CYP4X1: variants seen among roughly 807,000 people sequenced by gnomAD.
The protein encoded by CYP4X1 is cytochrome P450 4X1.
In CYP4X1, 44 loss-of-function variants were observed where a neutral mutation model predicts 57.9. That is an observed-to-expected ratio of 0.76 (90% CI 0.60 to 0.98). The LOEUF (loss-of-function observed/expected upper bound fraction) is 0.98. CYP4X1 is among the 50% of genes least tolerant of loss of function. The pLI is 0.00. For missense variants in CYP4X1, 532 were observed against 623.9 expected, an observed-to-expected ratio of 0.85 and a Z score of 1.57; for synonymous variants, 227 against 228.6, an observed-to-expected ratio of 0.99 and a Z score of 0.06.
chr1:47,019,803 T>C (rs1196018914), upstream of CYP4X1, among the ~76,000 whole-genome samples: 1 of 152,186 alleles, frequency 6.6e-6, no homozygotes, highest in African/African-American at 2.4e-5. Flanking sequence ...TCAGTTTTCA[T>C]ACAGGTATGA....
the CYP4X1 span, among the ~76,000 whole-genome samples, chr1:46,991,979 G>A: frequency 6.6e-6 from 1 of 152,042 alleles, no homozygotes; most frequent in South Asian, 2.1e-4. Flanking sequence ...GTTATCATCC[G>A]CTCCTCTCCC....
the CYP4X1 span, among the ~76,000 whole-genome samples, chr1:46,969,296 A>G: frequency 1.3e-5 from 2 of 152,182 alleles, no homozygotes; most frequent in Non-Finnish European, 2.9e-5. Context: ...CTGGCACTTC[A>G]TGTCTTGTAC....
At chr1:47,014,931 A>G in the CYP4X1 span, among the ~76,000 whole-genome samples, 340 of 152,316 alleles carry the variant, frequency 2.2e-3, 1 homozygote, top group Non-Finnish European at 4.3e-3. Context: ...ACATGGAGAA[A>G]GGAAAAGTGA....
chr1:47,001,481 C>A, the CYP4X1 span, among the ~76,000 whole-genome samples: 14 of 152,060 alleles, frequency 9.2e-5, no homozygotes, highest in Admixed American at 9.2e-4. Context: ...CGACAGGCAC[C>A]CAGATCCTCA....
At chr1:46,963,921 T>A in the CYP4X1 span, among the ~76,000 whole-genome samples, 1 of 152,214 alleles carries the variant, frequency 6.6e-6, no homozygotes, top group Non-Finnish European at 1.5e-5. Flanking sequence ...AGTCCCATAT[T>A]TCTTGGAGGC....
At chr1:47,014,951 T>C in the CYP4X1 span, among the ~76,000 whole-genome samples, 1 of 152,204 alleles carries the variant, frequency 6.6e-6, no homozygotes, top group African/African-American at 2.4e-5. Flanking sequence ...ACCTTGGAAT[T>C]CTCAGTCTGG....
chr1:47,009,895 G>T, the CYP4X1 span, among the ~76,000 whole-genome samples: 1 of 152,128 alleles, frequency 6.6e-6, no homozygotes, highest in African/African-American at 2.4e-5. Context: ...CCAATAACAG[G>T]CTCTGAAATT....
chr1:46,963,924 T>C, the CYP4X1 span, among the ~76,000 whole-genome samples: 1 of 152,254 alleles, frequency 6.6e-6, no homozygotes, highest in African/African-American at 2.4e-5. Flanking sequence ...CCCATATTTC[T>C]TGGAGGCTTT....
At chr1:47,053,970 T>A (rs12139231), downstream of CYP4X1, among the ~76,000 whole-genome samples, 4 of 151,518 alleles carry the variant, frequency 2.6e-5, no homozygotes, top group South Asian at 8.3e-4. Flanking sequence ...TGCTTTTGGT[T>A]TTTTAGACAT....
In CYP4X1 at chr1:47,023,802, G is replaced by C. The variant is rs776060879; in HGVS notation, c.-16G>C. 4 of 1,602,404 alleles carry C rather than the reference G, an allele frequency of 2.5e-6. No individual in the cohort carries two copies. The highest frequency in any genetic ancestry group is 4.5e-5 in the East Asian group (2 of 44,588). ...GCGCCCCAGGAAACCGCCGGCGTTC[G>C]GCGCTGCGCAGAGCCATGGAATTCT... On this transcript the variant is annotated 5_prime_UTR_variant, in exon 1 of 12. Transcript: ENST00000371901.
In CYP4X1 at chr1:47,042,806, G is replaced by GAGT. The variant is rs199700663; in HGVS notation, c.1073+3279_1073+3281dup. Among the ~76,000 whole-genome samples the GAGT allele has an allele frequency of 3.9e-3, 590 of 152,230 alleles. 3 individuals are homozygous for GAGT. The highest frequency in any genetic ancestry group is 0.013 in the African/African-American group (556 of 41,542). ...CTTTATTTTGTTCCTTTTCATGGCT[G>GAGT]AGTAGTATTCCATAGTATATACATC... On this transcript the variant is annotated intron_variant, in intron 8 of 11. Transcript: ENST00000371901.
the CYP4X1 span, among the ~76,000 whole-genome samples, chr1:47,011,189 G>T: frequency 6.6e-6 from 1 of 152,138 alleles, no homozygotes; most frequent in South Asian, 2.1e-4. Context: ...AAAACAGCAT[G>T]GTACTGGTAC....
chr1:47,046,560 C>G lies in CYP4X1; in HGVS notation c.1167C>G (p.Ser389Arg), dbSNP rs747915842. 2.5e-6 allele frequency: 4 copies of G among 1,614,162 alleles called. No individual in the cohort carries two copies. The highest frequency in any genetic ancestry group is 3.4e-6 in the Non-Finnish European group (4 of 1,180,028). The change falls in exon 9 of 12, where the codon AGC becomes AGG. Residue 389 changes from serine (S) to arginine (R), a missense_variant. Physicochemically the swap from Ser to Arg is moderately radical, Grantham distance 110. Coordinates refer to ENST00000371901, the MANE Select transcript of CYP4X1 (RefSeq NM_178033.2). Reference protein sequence around the residue: ...PAVPSISRDLSKPLTFPDGCT... With the variant: ...PAVPSISRDLRKPLTFPDGCT... ...TCCCGTCCATTTCCAGAGATCTCAG[C>G]AAGCCACTTACCTTCCCAGATGGAT...
At chr1:47,018,260 G>C in the CYP4X1 span, among the ~76,000 whole-genome samples, 1 of 152,148 alleles carries the variant, frequency 6.6e-6, no homozygotes, top group Non-Finnish European at 1.5e-5. Flanking sequence ...GAATTACAAA[G>C]ATTTTTCAGA....
At chr1:46,961,691 C>A in the CYP4X1 span, 3 of 1,293,414 alleles carry the variant, frequency 2.3e-6, no homozygotes, top group South Asian at 3.7e-5. Context: ...CTATTTGACC[C>A]AACCAACTTC....
chr1:46,982,772 T>G, the CYP4X1 span, among the ~76,000 whole-genome samples: 6 of 152,216 alleles, frequency 3.9e-5, no homozygotes, highest in African/African-American at 1.4e-4. Flanking sequence ...CTCAGTGCTC[T>G]GAGCATGTGG....
chr1:47,047,183 A>G (rs1644312201), intron 9 of CYP4X1, among the ~76,000 whole-genome samples: 1 of 151,872 alleles, frequency 6.6e-6, no homozygotes, highest in African/African-American at 2.4e-5. Flanking sequence ...GATGACATTA[A>G]CTGATGTGAG....
chr1:46,983,533 C>G, the CYP4X1 span, among the ~76,000 whole-genome samples: 1 of 152,204 alleles, frequency 6.6e-6, no homozygotes, highest in Non-Finnish European at 1.5e-5. Context: ...AATGCAGAGC[C>G]GCCACTGACT....
At chr1:47,043,098 A>G (rs1235159368) in intron 8 of CYP4X1, among the ~76,000 whole-genome samples, 2 of 152,032 alleles carry the variant, frequency 1.3e-5, no homozygotes, top group South Asian at 2.1e-4. Flanking sequence ...TTCCCTGTTC[A>G]CTGTATCCAC....
Sources: allele counts gnomAD v4.1 joint callset (sites outside exome capture counted in the v4.1 genomes callset), GRCh38; gene constraint gnomAD v4.1.1; transcripts MANE v1.5; gene names NCBI Gene and HGNC (gene_info 2026-07-23, HGNC 2026-07-21).